The following INTU variants were observed in gnomAD, a reference collection of about 807,000 sequenced individuals.
INTU encodes inturned planar cell polarity protein.
A neutral mutation model predicts 100.5 loss-of-function variants in INTU; 68 were observed. The ratio of observed to expected loss-of-function variants is 0.68; its 90% confidence interval spans 0.56 to 0.83. The LOEUF (loss-of-function observed/expected upper bound fraction) is 0.83. Ranked by LOEUF, INTU falls within the 40% of genes least tolerant of loss-of-function variation. The pLI is 0.00. For synonymous variants in INTU, 357 were observed against 395.7 expected (o/e 0.90, Z 1.16); for missense variants, 1,071 against 1,114.7 (o/e 0.96, Z 0.56).
intron 6 of INTU, among the ~76,000 whole-genome samples, chr4:127,682,907 AAG>A (rs1476741461): frequency 1.3e-5 from 2 of 152,282 alleles, no homozygotes; most frequent in Admixed American, 6.5e-5. Flanking sequence ...AAAGAGAAGA[AAG>A]AGAATACAGT....
At chr4:127,666,067 G>C (rs1212471880) in intron 4 of INTU, among the ~76,000 whole-genome samples, 1 of 152,026 alleles carries the variant, frequency 6.6e-6, no homozygotes, top group East Asian at 1.9e-4. Context: ...TCTAGTGTTT[G>C]TTCAGCTTTT....
intron 1 of INTU, among the ~76,000 whole-genome samples, chr4:127,636,717 T>C (rs1439926285): frequency 1.3e-5 from 2 of 152,100 alleles, no homozygotes; most frequent in African/African-American, 2.4e-5. Flanking sequence ...CCCAACTCAA[T>C]GATGTGTAGA....
chr4:127,685,166 A>C (rs1335048114), intron 7 of INTU, among the ~76,000 whole-genome samples: 3 of 152,040 alleles, frequency 2.0e-5, no homozygotes, highest in Non-Finnish European at 4.4e-5. Flanking sequence ...GTATGCTGTT[A>C]TGCATATTTT....
chr4:127,682,398 T>A (rs1729612331), intron 6 of INTU, among the ~76,000 whole-genome samples: 1 of 152,076 alleles, frequency 6.6e-6, no homozygotes, highest in African/African-American at 2.4e-5. Context: ...ATGTGGCATA[T>A]ATATACCATG....
At chr4:127,708,165 T>C (rs1284388220) in intron 12 of INTU, among the ~76,000 whole-genome samples, 1 of 152,080 alleles carries the variant, frequency 6.6e-6, no homozygotes, top group Non-Finnish European at 1.5e-5. Flanking sequence ...CTAAGAGAAA[T>C]TGAGTTAACC....
chr4:127,653,680 GA>G (rs1200075106), intron 2 of INTU, among the ~76,000 whole-genome samples: 247 of 149,950 alleles, frequency 1.6e-3, no homozygotes, highest in African/African-American at 5.5e-3. Flanking sequence ...GTGTGGTGCT[GA>G]AAAAAATGTA....
intron 1 of INTU, among the ~76,000 whole-genome samples, chr4:127,640,864 A>G (rs1044349324): frequency 4.6e-5 from 7 of 151,950 alleles, no homozygotes; most frequent in Admixed American, 1.3e-4. Context: ...TAAAGCATGG[A>G]TTTTTTAACA....
intron 2 of INTU, among the ~76,000 whole-genome samples, chr4:127,655,774 A>G (rs534017639): frequency 2.6e-5 from 4 of 152,092 alleles, no homozygotes; most frequent in Admixed American, 6.5e-5. Flanking sequence ...CCTGGCTGCT[A>G]TGTTTACCTA....
In INTU at chr4:127,687,862, AT is replaced by A; in HGVS notation, c.1445del (p.Ile482ThrfsTer5). 6.3e-7 allele frequency: 1 copy of A among 1,576,620 alleles called. No homozygotes were observed. The highest frequency in any genetic ancestry group is 8.7e-7 in the Non-Finnish European group (1 of 1,155,552). On this transcript the variant is annotated frameshift_variant, in exon 8 of 16. Transcript: ENST00000335251. LOFTEE classifies it high-confidence loss of function. ...GVRWLTLPLE[I>X]KMELDMALSD... ...CCGGTGGCTCACACTTCCACTGGAA[AT>A]CAAGGTAATCTTAGGTATTATAAAG...
In INTU at chr4:127,686,237, A is replaced by G. The variant is rs540612109; in HGVS notation, c.1260-1441A>G. The G allele has an allele frequency of 5.3e-5, 8 of 152,280 alleles. No homozygotes were observed. In the South Asian group the frequency reaches 1.2e-3, roughly 24 times the overall value. The allele number at this position is 152,280 out of a possible 1,614,324, so 9.4% of individuals were successfully genotyped here. ...TTGTGACCAAATTAAAGCTATAACA[A>G]TTTCCTTCACCATTCCCCACTAATT... On this transcript the variant is annotated intron_variant, in intron 7 of 15. Coordinates refer to ENST00000335251, the MANE Select transcript of INTU (RefSeq NM_015693.4).
chr4:127,716,321 G>C lies in INTU; in HGVS notation c.2718-4G>C. 1 of 1,446,848 alleles carries C rather than the reference G, an allele frequency of 6.9e-7. No individual in the cohort carries two copies. Among genetic ancestry groups the C allele is most frequent in the Non-Finnish European group, 9.5e-7 (1 of 1,057,520 alleles). 89.6% of individuals were successfully genotyped at this position (1,446,848 alleles called of 1,614,324 possible). ...TGAAATGAGTGTGTTCTTTTCTTCTGCAGGAGACTTTTTCTTCATCCAAAA... is the reference window on the plus strand; with the variant it reads ...TGAAATGAGTGTGTTCTTTTCTTCTCCAGGAGACTTTTTCTTCATCCAAAA... On this transcript the variant is annotated splice_polypyrimidine_tract_variant and splice_region_variant and intron_variant, in intron 15 of 15. Coordinates refer to ENST00000335251, the MANE Select transcript of INTU (RefSeq NM_015693.4).
chr4:127,714,734 C>T (rs1197445982), intron 15 of INTU, among the ~76,000 whole-genome samples: 1 of 152,044 alleles, frequency 6.6e-6, no homozygotes, highest in African/African-American at 2.4e-5. Flanking sequence ...TCCTTCTCCA[C>T]CCCCCACCCT....
At chr4:127,638,378 AT>A (rs1727166742) in intron 1 of INTU, among the ~76,000 whole-genome samples, 1 of 152,160 alleles carries the variant, frequency 6.6e-6, no homozygotes, top group Non-Finnish European at 1.5e-5. Flanking sequence ...GCAAGTGTTT[AT>A]TTTCCTTAAC....
chr4:127,667,923 T>C (rs1236936300), intron 4 of INTU, among the ~76,000 whole-genome samples: 1 of 152,088 alleles, frequency 6.6e-6, no homozygotes, highest in Non-Finnish European at 1.5e-5. Flanking sequence ...ATGGAGACCA[T>C]ATCATGTAAT....
chr4:127,681,496 G>A (rs190515190), intron 6 of INTU, among the ~76,000 whole-genome samples: 4,632 of 152,082 alleles, frequency 0.03, 299 homozygotes, highest in East Asian at 0.27. Flanking sequence ...AAAACAAGCA[G>A]TGGGGAAAGG....
intron 2 of INTU, among the ~76,000 whole-genome samples, chr4:127,653,186 T>G (rs1270773494): frequency 6.3e-5 from 9 of 142,246 alleles, no homozygotes; most frequent in African/African-American, 2.4e-4. Flanking sequence ...CTGGATTCAT[T>G]AATTTTTTGA....
Position 127,669,109 on chromosome 4 carries a change from C to T in INTU, c.1046C>T (p.Thr349Ile). The change falls in exon 5 of 16, where the codon ACA (threonine) becomes ATA (isoleucine). Residue 349 changes from threonine to isoleucine, a missense_variant. Physicochemically the swap from Thr to Ile is moderately conservative, Grantham distance 89. Transcript: ENST00000335251. Reference protein sequence around the residue: ...KLKSVRGIFLTLCDMLENVTG... With the variant: ...KLKSVRGIFLILCDMLENVTG... Reference sequence around the variant, plus strand: ...AAAAGTGTGAGAGGGATTTTTCTCACACTCTGTGACATGCTGGAAAACGTA... The same window carrying T: ...AAAAGTGTGAGAGGGATTTTTCTCATACTCTGTGACATGCTGGAAAACGTA... The T allele has an allele frequency of 6.5e-7, 1 of 1,548,710 alleles. No individual in the cohort carries two copies. Among genetic ancestry groups the T allele is most frequent in the Non-Finnish European group, 8.8e-7 (1 of 1,139,148 alleles).
Position 127,722,468 on chromosome 4 carries a change from C to T in INTU, c.*6032C>T, listed in dbSNP as rs1050578576. Reference sequence around the variant, plus strand: ...ACTTAAATAAGCAGTCTGTCTGCCCCTTGACAGGGTGGGTGTGCTACACTG... The same window carrying T: ...ACTTAAATAAGCAGTCTGTCTGCCCTTTGACAGGGTGGGTGTGCTACACTG... On this transcript the variant is annotated 3_prime_UTR_variant, in exon 16 of 16. Coordinates refer to ENST00000335251, the MANE Select transcript of INTU (RefSeq NM_015693.4). 1.3e-5 allele frequency: 2 copies of T among 152,394 alleles called. No individual in the cohort carries two copies. The highest frequency in any genetic ancestry group is 6.5e-5 in the Admixed American group (1 of 15,288). The allele number at this position is 152,394 out of a possible 1,614,324, so 9.4% of individuals were successfully genotyped here. A position where few individuals can be genotyped will look rare whatever the true frequency, so the allele number is the denominator to read the frequency against.
At chr4:127,709,716 C>CACACAT (rs1407700085) in intron 13 of INTU, among the ~76,000 whole-genome samples, 6 of 149,668 alleles carry the variant, frequency 4.0e-5, no homozygotes, top group Non-Finnish European at 9.0e-5. Context: ...AGAATTCACA[C>CACACAT]ACACACACAC....
Sources: allele counts gnomAD v4.1 joint callset (sites outside exome capture counted in the v4.1 genomes callset), GRCh38; gene constraint gnomAD v4.1.1; transcripts MANE v1.5; gene names NCBI Gene and HGNC (gene_info 2026-07-23, HGNC 2026-07-21).